Variants in MYH15 observed in about 807,000 individuals in gnomAD.
MYH15 encodes the protein myosin heavy chain 15, also known as myosin-15.
In MYH15, 227 loss-of-function variants were observed where a neutral mutation model predicts 240.5. The ratio of observed to expected loss-of-function variants is 0.94; its 90% CI spans 0.85 to 1.05. The LOEUF (loss-of-function observed/expected upper bound fraction) is 1.05, where lower values mean the gene tolerates loss of function less well. Ranked by LOEUF, MYH15 falls within the 50% of genes least tolerant of loss-of-function variation. The pLI, the probability that MYH15 is intolerant of heterozygous loss-of-function variation, is 0.00. For synonymous variants in MYH15, 785 were observed against 796.7 expected (o/e 0.99, Z 0.25); for missense variants, 2,217 against 2,247.5 (o/e 0.99, Z 0.27).
intron 21 of MYH15, among the ~76,000 whole-genome samples, chr3:108,449,292 C>T (rs1049771311): frequency 4.0e-5 from 6 of 151,880 alleles, no homozygotes; most frequent in African/African-American, 1.2e-4. Flanking sequence ...ATAGCCAAGA[C>T]ATTAGAAACA....
chr3:108,523,311 A>G (rs1397448060), intron 1 of MYH15, among the ~76,000 whole-genome samples: 3 of 151,968 alleles, frequency 2.0e-5, no homozygotes, highest in African/African-American at 7.2e-5. Context: ...TGCAATAAAG[A>G]TTATCTTAAA....
At chr3:108,455,273 T>C (rs1399792725) in intron 20 of MYH15, among the ~76,000 whole-genome samples, 1 of 152,180 alleles carries the variant, frequency 6.6e-6, no homozygotes, top group Non-Finnish European at 1.5e-5. Flanking sequence ...TTTAAGGAAG[T>C]TGGTTTTGGA....
chr3:108,437,541 A>G lies in MYH15; in HGVS notation c.3221+13T>C, dbSNP rs1576233302. 1 of 1,609,612 alleles carries G rather than the reference A, an allele frequency of 6.2e-7. No homozygotes were observed. Among genetic ancestry groups the G allele is most frequent in the Non-Finnish European group, 8.5e-7 (1 of 1,178,352 alleles). On this transcript the variant is annotated intron_variant, in intron 25 of 40. Coordinates refer to ENST00000693548, the MANE Select transcript of MYH15 (RefSeq NM_014981.3). ...GTCTCCAGCAATCTCATGTCAACAG[A>G]AAGGTGGCTTACTTCCTCAGCTCTT...
At chr3:108,404,538 C>A (rs1010242478) in intron 33 of MYH15, among the ~76,000 whole-genome samples, 78 of 152,196 alleles carry the variant, frequency 5.1e-4, no homozygotes, top group African/African-American at 1.8e-3. Context: ...TTCCTCACCA[C>A]CTTCTGTGAC....
At position 108,470,768 on chromosome 3, in the gene MYH15, G is replaced by T. The variant is rs956018224; in HGVS notation, c.1313C>A (p.Ala438Asp). ...CTGCCTTGACAGCTTGGCATCCAGG[G>T]CCCTGTTGATCCGTGCCACTAGCCA... ...FKWLVARINR[A>D]LDAKLSRQFF... Residue 438 changes from alanine to aspartate, a missense_variant, in exon 13 of 41, where the codon GCC (alanine) becomes GAC (aspartate). Physicochemically the swap from Ala to Asp is moderately radical, Grantham distance 126. Transcript: ENST00000693548. The T allele has an allele frequency of 6.2e-7, 1 of 1,613,624 alleles. No homozygotes were observed. Among genetic ancestry groups the T allele is most frequent in the African/African-American group, 1.3e-5 (1 of 74,882 alleles).
chr3:108,441,998 G>A (rs1355323433), intron 22 of MYH15, among the ~76,000 whole-genome samples: 2 of 152,178 alleles, frequency 1.3e-5, no homozygotes, highest in South Asian at 2.1e-4. Context: ...TTTTACTACA[G>A]AGCACCTTTC....
intron 29 of MYH15, 147 bp from the exon 30 acceptor site, chr3:108,414,575 G>A (rs1302529412): frequency 1.6e-6 from 1 of 629,128 alleles, no homozygotes; most frequent in East Asian, 2.8e-5. Context: ...TAACACTAGG[G>A]AGAGAATTTG....
rs563928402 is a variant in MYH15 at position 108,505,131 on chromosome 3, A to T, written c.195+592T>A. Reference sequence around the variant, plus strand: ...TTCACCCCACAGGATACCTTTTTTTAAAAATACTGACTTGAAACATTGATG... The same window carrying T: ...TTCACCCCACAGGATACCTTTTTTTTAAAATACTGACTTGAAACATTGATG... On this transcript the variant is annotated intron_variant, in intron 2 of 40. Transcript: ENST00000693548. 3.3e-5 allele frequency among the ~76,000 whole-genome samples: 5 copies of T among 152,242 alleles called. No individual in the cohort carries two copies. In the South Asian group the frequency reaches 6.2e-4, roughly 19 times the overall value.
chr3:108,404,245 C>G (rs953202146), intron 33 of MYH15, among the ~76,000 whole-genome samples: 2 of 152,026 alleles, frequency 1.3e-5, no homozygotes, highest in African/African-American at 4.8e-5. Flanking sequence ...AAAATTGACC[C>G]CCTTGAGAGT....
chr3:108,524,813 AGT>A (rs974570229), intron 1 of MYH15, among the ~76,000 whole-genome samples: 4 of 152,030 alleles, frequency 2.6e-5, no homozygotes, highest in Non-Finnish European at 4.4e-5. Context: ...TGTATACCCC[AGT>A]GTGAGGGATC....
At position 108,498,109 on chromosome 3, in the gene MYH15, T is replaced by G; in HGVS notation, c.561A>C (p.Lys187Asn). 6.2e-7 allele frequency: 1 copy of G among 1,614,130 alleles called. No individual in the cohort carries two copies. Among genetic ancestry groups the G allele is most frequent in the Non-Finnish European group, 8.5e-7 (1 of 1,179,980 alleles). ...ESGAGKTVNSKHIIQYFATIA... is the reference protein window; with the variant it reads ...ESGAGKTVNSNHIIQYFATIA... ...TGGTGGCAAAATACTGGATAATATG[T>G]TTGCTGTTCACAGTCTTTCCAGCAC... is the stretch of plus-strand genomic sequence containing the variant. The change falls in exon 6 of 41, where the codon AAA becomes AAC. Residue 187 changes from lysine (K) to asparagine (N), a missense_variant. Coordinates refer to ENST00000693548, the MANE Select transcript of MYH15 (RefSeq NM_014981.3).
rs1185159336 is a variant in MYH15 at position 108,470,811 on chromosome 3, A to G, written c.1270T>C (p.Tyr424His). Reference sequence around the variant, plus strand: ...ACTAGCCACTTAAACATCCTTTCATACATTGACTTGGACAGGGCACCGACA... The same window carrying G: ...ACTAGCCACTTAAACATCCTTTCATGCATTGACTTGGACAGGGCACCGACA... ...CAVGALSKSM[Y>H]ERMFKWLVAR... is the part of the protein sequence containing the mutation. Residue 424 changes from tyrosine (Y) to histidine (H), a missense_variant, in exon 13 of 41, where the codon TAT (tyrosine) becomes CAT (histidine). By Grantham distance (83) the Tyr-to-His change is moderately conservative. Coordinates refer to ENST00000693548, the MANE Select transcript of MYH15 (RefSeq NM_014981.3). 18 of 1,613,818 alleles carry G rather than the reference A, an allele frequency of 1.1e-5. No individual in the cohort carries two copies. The highest frequency in any genetic ancestry group is 1.5e-5 in the Non-Finnish European group (18 of 1,179,826).
chr3:108,497,869 T>C (rs865962493), intron 6 of MYH15, among the ~76,000 whole-genome samples, 183 bp downstream of exon 6: 16 of 152,326 alleles, frequency 1.1e-4, no homozygotes, highest in Middle Eastern at 3.4e-3. Flanking sequence ...CATGTTATTG[T>C]TTGGAGCACT....
the MYH15 span, among the ~76,000 whole-genome samples, chr3:108,547,474 T>C: frequency 2.0e-5 from 3 of 152,040 alleles, no homozygotes; most frequent in African/African-American, 4.8e-5. Flanking sequence ...ATGATTTAAA[T>C]AGGCAATTCT....
intron 11 of MYH15, among the ~76,000 whole-genome samples, chr3:108,483,119 G>T (rs555271902): frequency 4.6e-5 from 7 of 150,696 alleles, no homozygotes; most frequent in Non-Finnish European, 8.8e-5. Flanking sequence ...AGAATCGCTT[G>T]AACCTGGGAA....
rs1028737746 is a variant in MYH15 at position 108,520,311 on chromosome 3, C to A, written c.-58+8952G>T. 2.0e-5 allele frequency among the ~76,000 whole-genome samples: 3 copies of A among 152,084 alleles called. No individual in the cohort carries two copies. The East Asian group carries it at 5.8e-4, about 29-fold the overall frequency. On this transcript the variant is annotated intron_variant, in intron 1 of 41. Coordinates refer to the MYH15 transcript ENST00000273353. ...TTTGTTTCGTATAACAACCCCCATG[C>A]GAAAACTATCAGTAAAAATAGCAAA...
intron 14 of MYH15, among the ~76,000 whole-genome samples, chr3:108,468,797 G>T (rs779950224): frequency 2.6e-5 from 4 of 152,128 alleles, no homozygotes; most frequent in Non-Finnish European, 4.4e-5. Flanking sequence ...TATGTCCCAC[G>T]TTCCTGCCTG....
intron 39 of MYH15, 132 bp downstream of exon 39, chr3:108,384,555 C>A: frequency 1.3e-6 from 1 of 748,802 alleles, no homozygotes; most frequent in Non-Finnish European, 2.1e-6. Context: ...AGAAAAAAAA[C>A]TGAGGATGAG....
At chr3:108,541,169 C>T in the MYH15 span, among the ~76,000 whole-genome samples, 1 of 151,756 alleles carries the variant, frequency 6.6e-6, no homozygotes, top group East Asian at 1.9e-4. Flanking sequence ...CAAGTGTCAA[C>T]ACTATTTTTT....
Sources: allele counts gnomAD v4.1 joint callset (sites outside exome capture counted in the v4.1 genomes callset), GRCh38; gene constraint gnomAD v4.1.1; transcripts MANE v1.5; gene names NCBI Gene and HGNC (gene_info 2026-07-23, HGNC 2026-07-21).